Variants in RTTN observed in about 807,000 individuals in gnomAD.
RTTN encodes rotatin.
A neutral mutation model predicts 269.2 loss-of-function variants in RTTN; 182 were observed. The observed-to-expected ratio is 0.68, with a 90% CI of 0.60 to 0.76. RTTN has a LOEUF of 0.76. RTTN is among the 30% of genes least tolerant of loss of function. The probability of loss-of-function intolerance (pLI) is 0.00; values close to 1 mark genes in which losing one functional copy is unlikely to be tolerated. For synonymous variants in RTTN, 1,006 were observed against 963.5 expected (o/e 1.04, Z -0.82); for missense variants, 2,545 against 2,608.6 (o/e 0.98, Z 0.53).
At chr18:70,128,762 T>C (rs2059928959) in intron 23 of RTTN, 1 of 464,756 alleles carries the variant, frequency 2.2e-6, no homozygotes, top group South Asian at 3.0e-5. Context: ...AAATCCTTTC[T>C]TGAGGACTTA....
chr18:70,013,409 G>GTC (rs1051229438), intron 46 of RTTN, among the ~76,000 whole-genome samples: 8 of 151,666 alleles, frequency 5.3e-5, no homozygotes, highest in African/African-American at 1.7e-4. Flanking sequence ...GTGTGTGTGT[G>GTC]TGTCTGTGTG....
chr18:70,032,025 T>C (rs1020327686), intron 40 of RTTN, among the ~76,000 whole-genome samples: 1 of 152,158 alleles, frequency 6.6e-6, no homozygotes, highest in Non-Finnish European at 1.5e-5. Context: ...CAGGGAAAGC[T>C]GCTTAGGGAA....
chr18:70,054,125 G>C lies in RTTN; in HGVS notation c.5185+6C>G. 5 of 1,607,488 alleles carry C rather than the reference G, an allele frequency of 3.1e-6. No individual in the cohort carries two copies. The highest frequency in any genetic ancestry group is 3.4e-6 in the Non-Finnish European group (4 of 1,174,634). ...TTACATTCTAAACTAAAACAATTAA[G>C]CTTACCTAATACATCTTTGGTACAT... is the stretch of plus-strand genomic sequence containing the variant. On this transcript the variant is annotated splice_donor_region_variant and intron_variant, in intron 38 of 48. Coordinates refer to ENST00000640769, the MANE Select transcript of RTTN (RefSeq NM_173630.4).
chr18:70,109,374 T>A (rs1210581928), intron 28 of RTTN, 124 bp downstream of exon 28: 3 of 662,660 alleles, frequency 4.5e-6, no homozygotes, highest in East Asian at 5.5e-5. Flanking sequence ...ATTTCACTAT[T>A]ATGACTTATA....
intron 28 of RTTN, among the ~76,000 whole-genome samples, chr18:70,098,691 C>T (rs1022102606): frequency 3.9e-5 from 6 of 152,064 alleles, no homozygotes; most frequent in South Asian, 2.1e-4. Context: ...ATGTGCACAA[C>T]GTACAGGTTT....
At chr18:70,125,819 T>TA (rs1454509534) in intron 25 of RTTN, among the ~76,000 whole-genome samples, 4 of 151,964 alleles carry the variant, frequency 2.6e-5, no homozygotes, top group African/African-American at 7.2e-5. Flanking sequence ...AAAGCAAAAC[T>TA]AAAGTTTCCC....
At chr18:70,197,878 C>A in intron 5 of RTTN, 140 bp from the exon 6 acceptor site, 1 of 611,108 alleles carries the variant, frequency 1.6e-6, no homozygotes. Context: ...CTTCCTAGAT[C>A]TTTTCCCTAA....
At position 70,078,048 on chromosome 18, in the gene RTTN, T is replaced by C. The variant is rs564428058; in HGVS notation, c.4375-2507A>G. ...AAGATTTGTCAGAGCCAAAAAAATA[T>C]ATAGAAGATCCAAATCTTCAAATTA... On this transcript the variant is annotated intron_variant, in intron 32 of 48. Coordinates refer to ENST00000640769, the MANE Select transcript of RTTN (RefSeq NM_173630.4). Among the ~76,000 whole-genome samples, 6 of 151,790 alleles carry C rather than the reference T, an allele frequency of 4.0e-5. No homozygotes were observed. The South Asian group carries it at 1.2e-3, about 32-fold the overall frequency.
rs369287333 is a variant in RTTN, at chr18:70,187,215, A to C, written c.1305+893T>G. On this transcript the variant is annotated intron_variant, in intron 10 of 48. Coordinates refer to ENST00000640769, the MANE Select transcript of RTTN (RefSeq NM_173630.4). ...AAGAACGAGAAAATCTCACGTATAG[A>C]TAGATAGGGAATAATCCTCATACCT... 2.0e-4 allele frequency among the ~76,000 whole-genome samples: 31 copies of C among 152,284 alleles called. 1 individual carries two copies. The highest frequency in any genetic ancestry group is 5.5e-4 in the African/African-American group (23 of 41,562).
At chr18:70,104,808 A>G (rs1046719452) in intron 28 of RTTN, among the ~76,000 whole-genome samples, 1 of 152,192 alleles carries the variant, frequency 6.6e-6, no homozygotes, top group Admixed American at 6.5e-5. Context: ...GCTGCAGAAG[A>G]GCAAATGTTA....
intron 40 of RTTN, among the ~76,000 whole-genome samples, chr18:70,033,921 G>A (rs981313579): frequency 1.3e-5 from 2 of 152,132 alleles, no homozygotes; most frequent in Non-Finnish European, 2.9e-5. Context: ...CATCAGAGAC[G>A]ATTATAAACA....
chr18:70,055,930 G>T (rs974603369), intron 37 of RTTN, among the ~76,000 whole-genome samples: 1 of 152,032 alleles, frequency 6.6e-6, no homozygotes, highest in Non-Finnish European at 1.5e-5. Context: ...CCCATCTGCC[G>T]CAGGCACTCG....
chr18:70,125,803 T>C (rs1599673092), intron 25 of RTTN, among the ~76,000 whole-genome samples: 1 of 152,046 alleles, frequency 6.6e-6, no homozygotes, highest in Admixed American at 6.6e-5. Flanking sequence ...ATCATTAAAC[T>C]GAATGAAAGC....
At chr18:70,134,618 C>T (rs2060078404) in intron 22 of RTTN, 77 bp from the exon 23 acceptor site, 1 of 950,274 alleles carries the variant, frequency 1.1e-6, no homozygotes, top group Non-Finnish European at 1.6e-6. Context: ...CAACTTACCT[C>T]ACTTCGTTGA....
intron 8 of RTTN, 92 bp downstream of exon 8, chr18:70,193,196 A>AAAT: frequency 8.8e-7 from 1 of 1,139,118 alleles, no homozygotes; most frequent in Non-Finnish European, 1.2e-6. Flanking sequence ...AAAAAAAAAA[A>AAAT]GGACAGAAAA....
intron 7 of RTTN, among the ~76,000 whole-genome samples, chr18:70,196,039 C>A (rs969265351): frequency 1.3e-5 from 2 of 152,172 alleles, no homozygotes; most frequent in African/African-American, 4.8e-5. Context: ...TTAGGTGGCA[C>A]TTTTTCTCTG....
At chr18:70,144,110 G>C (rs898164864) in intron 18 of RTTN, among the ~76,000 whole-genome samples, 1 of 152,100 alleles carries the variant, frequency 6.6e-6, no homozygotes, top group Non-Finnish European at 1.5e-5. Context: ...GCCTCCCATA[G>C]TGCTGGGATT....
intron 30 of RTTN, among the ~76,000 whole-genome samples, chr18:70,089,345 G>A (rs974785618): frequency 7.2e-5 from 11 of 152,198 alleles, no homozygotes; most frequent in Non-Finnish European, 1.3e-4. Flanking sequence ...CAGTGAGAAG[G>A]TGGCCCTCTG....
chr18:70,118,932 C>A (rs1033447347), intron 26 of RTTN, among the ~76,000 whole-genome samples: 1 of 151,832 alleles, frequency 6.6e-6, no homozygotes, highest in African/African-American at 2.4e-5. Context: ...AAAGGAATCC[C>A]AACACAATAA....
Sources: gnomAD v4.1 joint callset for allele counts (sites outside exome capture counted in the v4.1 genomes callset) on GRCh38, gnomAD v4.1.1 for gene constraint, MANE v1.5 for transcripts, NCBI Gene and HGNC (gene_info 2026-07-23, HGNC 2026-07-21) for gene names.